PLEKHG7: variants seen among roughly 807,000 people sequenced by gnomAD.
The protein encoded by PLEKHG7 is pleckstrin homology domain-containing family G member 7.
A neutral mutation model predicts 85.2 loss-of-function variants in PLEKHG7; 77 were observed. That is an observed-to-expected ratio of 0.90 (90% CI 0.75 to 1.09). The LOEUF (loss-of-function observed/expected upper bound fraction) is 1.09. PLEKHG7 is among the 50% of genes least tolerant of loss of function. The pLI is 0.00. For missense variants in PLEKHG7, 777 were observed against 804.3 expected (o/e 0.97, Z 0.41); for synonymous variants, 301 against 302.4 (o/e 1.00, Z 0.05).
intron 13 of PLEKHG7, among the ~76,000 whole-genome samples, chr12:92,756,867 G>A (rs1224481389): frequency 6.6e-6 from 1 of 152,154 alleles, no homozygotes. Context: ...GGGAAGCTCT[G>A]CCTTATTACC....
At chr12:92,735,081 C>T (rs1872101019) in intron 5 of PLEKHG7, among the ~76,000 whole-genome samples, 3 of 152,190 alleles carry the variant, frequency 2.0e-5, no homozygotes. Context: ...CATAGAAAGC[C>T]ATGGTGAGTG....
At chr12:92,738,382 C>T (rs933439149) in intron 7 of PLEKHG7, among the ~76,000 whole-genome samples, 8 of 152,194 alleles carry the variant, frequency 5.3e-5, no homozygotes, top group Admixed American at 4.6e-4. Flanking sequence ...CTGTCTTACA[C>T]AGCCAAAAGG....
chr12:92,730,149 C>T (rs1231159540), intron 4 of PLEKHG7, among the ~76,000 whole-genome samples: 2 of 152,138 alleles, frequency 1.3e-5, no homozygotes, highest in South Asian at 2.1e-4. Flanking sequence ...TCATAACTAA[C>T]ATGTTTATAG....
rs189786801 is a variant in PLEKHG7 at position 92,730,479 on chromosome 12, G to A, written c.658+1359G>A. Among the ~76,000 whole-genome samples the A allele has an allele frequency of 1.8e-3, 268 of 152,340 alleles. 2 individuals carry two copies. The highest frequency in any genetic ancestry group is 6.3e-3 in the African/African-American group (263 of 41,584). ...AGACCTTCTGAATCAGAAACTCTGG[G>A]GGTGGTGTCCAGCAGTCTGTTAGTC... On this transcript the variant is annotated intron_variant, in intron 4 of 16. Transcript: ENST00000344636.
chr12:92,737,705 GAGA>G lies in PLEKHG7; in HGVS notation c.939+191_939+193del, dbSNP rs532970200. On this transcript the variant is annotated intron_variant, in intron 7 of 16. Coordinates refer to ENST00000344636, the MANE Select transcript of PLEKHG7 (RefSeq NM_001377329.1). Reference sequence around the variant, plus strand: ...AGACAAGAAAAGAAAAAGAGAGAAAGAGAAGAAGAGGGAGGGAAGGAAGGAGGG... The same window carrying G: ...AGACAAGAAAAGAAAAAGAGAGAAAGAGAAGAGGGAGGGAAGGAAGGAGGG... Among the ~76,000 whole-genome samples the G allele has an allele frequency of 2.5e-4, 35 of 138,096 alleles. No individual in the cohort carries two copies. In the South Asian group the frequency reaches 7.8e-3, roughly 31 times the overall value. The allele number at this position is 138,096 out of a possible 152,430, so 90.6% of individuals were successfully genotyped here. A position where few individuals can be genotyped will look rare whatever the true frequency, so the allele number is the denominator to read the frequency against.
In PLEKHG7 at chr12:92,728,581, CACAT is replaced by C. The variant is rs1315992537; in HGVS notation, c.531-409_531-406del. On this transcript the variant is annotated intron_variant, in intron 3 of 16. Coordinates refer to ENST00000344636, the MANE Select transcript of PLEKHG7 (RefSeq NM_001377329.1). Reference sequence around the variant, plus strand: ...ACATTCCATGGTGTGTGTATGTGTACACATACCACATTCCATGGTGTTTATATGT... The same window carrying C: ...ACATTCCATGGTGTGTGTATGTGTACACCACATTCCATGGTGTTTATATGT... Among the ~76,000 whole-genome samples the C allele has an allele frequency of 5.5e-3, 785 of 143,052 alleles. 14 individuals are homozygous for C. Among genetic ancestry groups the C allele is most frequent in the African/African-American group, 0.021 (725 of 33,930 alleles). 93.8% of individuals were successfully genotyped at this position (143,052 alleles called of 152,430 possible).
In PLEKHG7 at chr12:92,754,083, T is replaced by C; in HGVS notation, c.1252-7T>C. 6.2e-7 allele frequency: 1 copy of C among 1,609,688 alleles called. No individual in the cohort carries two copies. The highest frequency in any genetic ancestry group is 8.5e-7 in the Non-Finnish European group (1 of 1,176,676). ...CATTCTGATATGGCTGCTTTTGCCT[T>C]CCCCAGTGGTGTGAGCAGAATGAAC... On this transcript the variant is annotated splice_polypyrimidine_tract_variant and splice_region_variant and intron_variant, in intron 10 of 16. Coordinates refer to ENST00000344636, the MANE Select transcript of PLEKHG7 (RefSeq NM_001377329.1).
chr12:92,761,621 AAGAAGAAAGAAAGAAAG>A lies in PLEKHG7; in HGVS notation c.1637-129_1637-113del, dbSNP rs1362923808. The A allele has an allele frequency of 1.9e-4, 192 of 1,028,772 alleles. 3 individuals are homozygous for A. In the African/African-American group the frequency reaches 3.6e-3, roughly 19 times the overall value. 63.7% of individuals were successfully genotyped at this position (1,028,772 alleles called of 1,614,324 possible). On this transcript the variant is annotated intron_variant, in intron 13 of 16. Coordinates refer to ENST00000344636, the MANE Select transcript of PLEKHG7 (RefSeq NM_001377329.1). ...AGAAAGAAAGAAAAAGAAAGAAAGA[AAGAAGAAAGAAAGAAAG>A]AAAGAAAGAAAGAAAGAAAGAAAGA...
intron 9 of PLEKHG7, 42 bp from the exon 10 acceptor site, chr12:92,745,436 T>G (rs1419556511): frequency 1.5e-6 from 2 of 1,356,006 alleles, no homozygotes; most frequent in Non-Finnish European, 1.1e-6. Flanking sequence ...AATGCTCTCC[T>G]TAACTTGTGT....
chr12:92,741,874 G>A (rs1223712035), intron 9 of PLEKHG7, among the ~76,000 whole-genome samples: 1 of 152,182 alleles, frequency 6.6e-6, no homozygotes, highest in Non-Finnish European at 1.5e-5. Flanking sequence ...TCAATTTAAA[G>A]CAACATTCAC....
chr12:92,715,108 A>T lies in PLEKHG7; in HGVS notation c.530+7436A>T, dbSNP rs138280555. Reference sequence around the variant, plus strand: ...TTAACTCACATGATCACGAGGTCCCACAATAGGCTGTCTGCCAGCTGCGGA... The same window carrying T: ...TTAACTCACATGATCACGAGGTCCCTCAATAGGCTGTCTGCCAGCTGCGGA... On this transcript the variant is annotated intron_variant, in intron 3 of 16. Coordinates refer to ENST00000344636, the MANE Select transcript of PLEKHG7 (RefSeq NM_001377329.1). 3.9e-3 allele frequency among the ~76,000 whole-genome samples: 600 copies of T among 152,364 alleles called. 2 individuals are homozygous for T. Among genetic ancestry groups the T allele is most frequent in the African/African-American group, 0.014 (581 of 41,584 alleles).
chr12:92,705,886 CA>C lies in PLEKHG7; in HGVS notation c.-161-584del, dbSNP rs201797593. Among the ~76,000 whole-genome samples the C allele has an allele frequency of 8.3e-3, 1,262 of 152,330 alleles. 16 individuals are homozygous for C. The highest frequency in any genetic ancestry group is 0.028 in the African/African-American group (1,150 of 41,554). On this transcript the variant is annotated intron_variant, in intron 1 of 16. Coordinates refer to ENST00000344636, the MANE Select transcript of PLEKHG7 (RefSeq NM_001377329.1). ...TGCAAAAAACACCTCCAATCATGAA[CA>C]GTAGGGTACCTGGTGATGTCTGGGT... is the stretch of plus-strand genomic sequence containing the variant.
At chr12:92,716,436 C>T (rs1871496446) in intron 3 of PLEKHG7, among the ~76,000 whole-genome samples, 1 of 152,138 alleles carries the variant, frequency 6.6e-6, no homozygotes, top group South Asian at 2.1e-4. Context: ...GAGAAGTGCC[C>T]AATATACTCT....
chr12:92,711,663 G>C (rs1268441572), intron 3 of PLEKHG7, among the ~76,000 whole-genome samples: 1 of 152,210 alleles, frequency 6.6e-6, no homozygotes, highest in Non-Finnish European at 1.5e-5. Flanking sequence ...GCAGGGTCTT[G>C]CTCCAAAATC....
At chr12:92,761,674 GAAA>G in intron 13 of PLEKHG7, 75 bp from the exon 14 acceptor site, 2 of 1,268,124 alleles carry the variant, frequency 1.6e-6, no homozygotes, top group South Asian at 1.9e-5. Flanking sequence ...AAGAAAGAAA[GAAA>G]GAAAGAAAGG....
chr12:92,752,970 C>T (rs192009607), intron 10 of PLEKHG7, among the ~76,000 whole-genome samples: 280 of 152,252 alleles, frequency 1.8e-3, no homozygotes, highest in African/African-American at 6.3e-3. Context: ...GGACACTAAT[C>T]CCATTCAAGA....
intron 4 of PLEKHG7, 130 bp from the exon 5 acceptor site, chr12:92,732,097 CAAGAGA>C (rs1487831634): frequency 2.2e-6 from 1 of 446,644 alleles, no homozygotes; most frequent in East Asian, 3.5e-5. Context: ...TGTGCATTCT[CAAGAGA>C]AAGAGAATTA....
In PLEKHG7 at chr12:92,756,361, C is replaced by G. The variant is rs1872831074; in HGVS notation, c.1606C>G (p.Leu536Val). The G allele has an allele frequency of 1.2e-6, 2 of 1,613,036 alleles. No individual in the cohort carries two copies. The highest frequency in any genetic ancestry group is 1.7e-6 in the Non-Finnish European group (2 of 1,179,032). Residue 536 changes from leucine (L) to valine (V), a missense_variant, in exon 13 of 17, where the codon CTT becomes GTT. This residue lies in a region of PLEKHG7 where 520 missense variants were observed against 544.0 expected (regional missense o/e 0.96). Transcript: ENST00000344636. ...ENILSPTSRH[L>V]LYEGKLTLAE... Reference sequence around the variant, plus strand: ...CATCTTGTCACCAACCAGCAGACACCTTCTCTATGAAGGAAAATTAACTCT... The same window carrying G: ...CATCTTGTCACCAACCAGCAGACACGTTCTCTATGAAGGAAAATTAACTCT...
chr12:92,740,636 A>G (rs1396660802), intron 7 of PLEKHG7, among the ~76,000 whole-genome samples: 2 of 152,188 alleles, frequency 1.3e-5, no homozygotes, highest in Admixed American at 1.3e-4. Flanking sequence ...CACATAAGCA[A>G]CCACAACTTT....
Sources: gnomAD v4.1 joint callset for allele counts (sites outside exome capture counted in the v4.1 genomes callset) on GRCh38, gnomAD v4.1.1 for gene constraint, gnomAD v4.1.1 regional missense constraint, MANE v1.5 for transcripts, NCBI Gene and HGNC (gene_info 2026-07-23, HGNC 2026-07-21) for gene names.